LYPLAL1: variants seen among roughly 807,000 people sequenced by gnomAD.
The protein encoded by LYPLAL1 is lysophospholipase like 1, also known as lysophospholipase-like protein 1.
Under a neutral mutation model 19.7 loss-of-function variants are expected in LYPLAL1, and 23 were observed. That is an observed-to-expected ratio of 1.17 (90% CI 0.84 to 1.65). The LOEUF (loss-of-function observed/expected upper bound fraction) is 1.65, where lower values mean the gene tolerates loss of function less well. LYPLAL1 is among the 40% of genes most tolerant of loss of function. The probability of loss-of-function intolerance (pLI) is 0.00; values close to 1 mark genes in which losing one functional copy is unlikely to be tolerated. For missense variants in LYPLAL1, 355 were observed against 279.4 expected, an observed-to-expected ratio of 1.27 and a Z score of -1.93; for synonymous variants, 119 against 96.3, an observed-to-expected ratio of 1.24 and a Z score of -1.38.
the LYPLAL1 span, among the ~76,000 whole-genome samples, chr1:219,331,586 A>G: frequency 6.6e-6 from 1 of 152,238 alleles, no homozygotes; most frequent in African/African-American, 2.4e-5. Context: ...ACTGTCATTT[A>G]TGCACACATG....
the LYPLAL1 span, among the ~76,000 whole-genome samples, chr1:219,259,064 A>G: frequency 2.0e-5 from 3 of 152,052 alleles, no homozygotes; most frequent in Non-Finnish European, 2.9e-5. Context: ...CAACAATGCA[A>G]TGCCACCTTA....
the LYPLAL1 span, among the ~76,000 whole-genome samples, chr1:219,318,169 A>AT: frequency 2.0e-5 from 3 of 152,204 alleles, no homozygotes; most frequent in African/African-American, 7.2e-5. Context: ...GATTAAAAAA[A>AT]GGAAGTAGAT....
At chr1:219,232,979 A>G in the LYPLAL1 span, among the ~76,000 whole-genome samples, 1 of 152,200 alleles carries the variant, frequency 6.6e-6, no homozygotes, top group African/African-American at 2.4e-5. Flanking sequence ...ACAATATTCC[A>G]GTTCCTCAAA....
Position 219,182,408 on chromosome 1 carries a change from G to A in LYPLAL1, c.191+3162G>A, listed in dbSNP as rs538479839. Among the ~76,000 whole-genome samples, 3 of 152,028 alleles carry A rather than the reference G, an allele frequency of 2.0e-5. No homozygotes were observed. The East Asian group carries it at 5.8e-4, about 29-fold the overall frequency. Reference sequence around the variant, plus strand: ...TGTAGCATAATATGGCTTCATTTGCGGTTTTAAGGATAGTTGCTACCTTCC... The same window carrying A: ...TGTAGCATAATATGGCTTCATTTGCAGTTTTAAGGATAGTTGCTACCTTCC... On this transcript the variant is annotated intron_variant, in intron 2 of 4. Transcript: ENST00000366928.
intron 2 of LYPLAL1, among the ~76,000 whole-genome samples, chr1:219,184,197 T>A (rs1656531530): frequency 6.6e-6 from 1 of 151,850 alleles, no homozygotes. Flanking sequence ...TTTACTTAGG[T>A]CTTTATTAAT....
At chr1:219,439,821 A>G in the LYPLAL1 span, among the ~76,000 whole-genome samples, 1 of 151,868 alleles carries the variant, frequency 6.6e-6, no homozygotes, top group Non-Finnish European at 1.5e-5. Context: ...TTATGATTAT[A>G]TAACAAAATT....
At chr1:219,266,723 T>C in the LYPLAL1 span, among the ~76,000 whole-genome samples, 1 of 152,170 alleles carries the variant, frequency 6.6e-6, no homozygotes, top group Non-Finnish European at 1.5e-5. Flanking sequence ...TATAATGTTA[T>C]AATGGCTGAG....
the LYPLAL1 span, chr1:219,272,101 G>A: frequency 6.6e-6 from 1 of 152,290 alleles, no homozygotes; most frequent in Non-Finnish European, 1.5e-5. Flanking sequence ...TAGTCATTGA[G>A]GGCCTTAATA....
the LYPLAL1 span, among the ~76,000 whole-genome samples, chr1:219,236,401 TAAAG>T: frequency 6.6e-6 from 1 of 152,244 alleles, no homozygotes; most frequent in East Asian, 1.9e-4. Context: ...CCATTTTGTA[TAAAG>T]AGTGACTTTA....
At chr1:219,247,620 G>C in the LYPLAL1 span, among the ~76,000 whole-genome samples, 3 of 152,180 alleles carry the variant, frequency 2.0e-5, no homozygotes, top group Non-Finnish European at 4.4e-5. Flanking sequence ...CATGCTTTCT[G>C]TGGTTTATAA....
At chr1:219,201,830 C>G (rs573390386) in intron 3 of LYPLAL1, among the ~76,000 whole-genome samples, 1 of 152,326 alleles carries the variant, frequency 6.6e-6, no homozygotes, top group South Asian at 2.1e-4. Context: ...TGTGACAAAA[C>G]ATTAGTGCTA....
At chr1:219,204,313 AATT>A (rs1055796165) in intron 3 of LYPLAL1, among the ~76,000 whole-genome samples, 9 of 152,204 alleles carry the variant, frequency 5.9e-5, no homozygotes, top group African/African-American at 1.9e-4. Context: ...ATTCTGAGAA[AATT>A]ATTAATAATA....
chr1:219,296,137 A>G, the LYPLAL1 span, among the ~76,000 whole-genome samples: 1 of 152,240 alleles, frequency 6.6e-6, no homozygotes, highest in Non-Finnish European at 1.5e-5. Flanking sequence ...AGAACATAGC[A>G]TCTGACATTT....
chr1:219,333,753 C>A, the LYPLAL1 span, among the ~76,000 whole-genome samples: 1 of 152,056 alleles, frequency 6.6e-6, no homozygotes, highest in African/African-American at 2.4e-5. Flanking sequence ...TCAGGTCTAG[C>A]TTTTCTTCTT....
chr1:219,368,340 A>G, the LYPLAL1 span, among the ~76,000 whole-genome samples: 1 of 152,104 alleles, frequency 6.6e-6, no homozygotes, highest in East Asian at 1.9e-4. Flanking sequence ...TCTTCTTTTC[A>G]TCATTTTTAT....
At chr1:219,249,322 G>T in the LYPLAL1 span, among the ~76,000 whole-genome samples, 2 of 151,936 alleles carry the variant, frequency 1.3e-5, no homozygotes, top group Admixed American at 1.3e-4. Flanking sequence ...TCTTGTTAAT[G>T]GCCCTCTTTC....
chr1:219,333,552 C>CT, the LYPLAL1 span, among the ~76,000 whole-genome samples: 17 of 152,126 alleles, frequency 1.1e-4, no homozygotes, highest in Admixed American at 1.1e-3. Context: ...AGTAGGCCTT[C>CT]TTTTTCCAAC....
At chr1:219,268,398 T>A in the LYPLAL1 span, among the ~76,000 whole-genome samples, 1 of 152,148 alleles carries the variant, frequency 6.6e-6, no homozygotes, top group African/African-American at 2.4e-5. Context: ...ACAAAGGTGC[T>A]AAGGCCTCTA....
intron 3 of LYPLAL1, among the ~76,000 whole-genome samples, chr1:219,197,206 T>C (rs1230353600): frequency 6.6e-6 from 1 of 152,208 alleles, no homozygotes; most frequent in Non-Finnish European, 1.5e-5. Flanking sequence ...GGTGGAGGCA[T>C]CATGCTACCC....
Sources: gnomAD v4.1 joint callset for allele counts (sites outside exome capture counted in the v4.1 genomes callset) on GRCh38, gnomAD v4.1.1 for gene constraint, MANE v1.5 for transcripts, NCBI Gene and HGNC (gene_info 2026-07-23, HGNC 2026-07-21) for gene names.